The following CACNA2D3 variants were observed in gnomAD, a reference collection of about 807,000 sequenced individuals.
The protein encoded by CACNA2D3 is calcium voltage-gated channel auxiliary subunit alpha2delta 3, also known as voltage-dependent calcium channel subunit alpha-2/delta-3.
In CACNA2D3, 60 loss-of-function variants were observed where a neutral mutation model predicts 160.6. The observed-to-expected ratio is 0.37, with a 90% CI of 0.30 to 0.46. The LOEUF is 0.46. Ranked by LOEUF, CACNA2D3 falls within the 20% of genes least tolerant of loss-of-function variation. The pLI is 1.00. For synonymous variants in CACNA2D3, 558 were observed against 492.9 expected, an observed-to-expected ratio of 1.13 and a Z score of -1.75; for missense variants, 1,205 against 1,365.0, an observed-to-expected ratio of 0.88 and a Z score of 1.85.
At chr3:54,819,434 C>A (rs9846169) in intron 14 of CACNA2D3, among the ~76,000 whole-genome samples, 5 of 152,156 alleles carry the variant, frequency 3.3e-5, no homozygotes, top group African/African-American at 1.2e-4. Flanking sequence ...GCAGTCATAT[C>A]TGAGGGGTGG....
At chr3:54,713,306 C>G (rs146652494) in intron 11 of CACNA2D3, among the ~76,000 whole-genome samples, 2 of 152,146 alleles carry the variant, frequency 1.3e-5, no homozygotes, top group Non-Finnish European at 1.5e-5. Context: ...GGTCTGAGCT[C>G]TCTTTGGAAT....
At chr3:54,146,752 T>C (rs918364988) in intron 2 of CACNA2D3, among the ~76,000 whole-genome samples, 1 of 152,214 alleles carries the variant, frequency 6.6e-6, no homozygotes, top group African/African-American at 2.4e-5. Flanking sequence ...CTGCGGGGTG[T>C]CACCGTTAGG....
At chr3:54,985,383 C>A (rs766796768) in intron 30 of CACNA2D3, among the ~76,000 whole-genome samples, 2 of 152,164 alleles carry the variant, frequency 1.3e-5, no homozygotes, top group African/African-American at 2.4e-5. Flanking sequence ...AAATTTTCTG[C>A]ATTAAAACTT....
intron 4 of CACNA2D3, among the ~76,000 whole-genome samples, chr3:54,436,621 C>T (rs1700064188): frequency 6.6e-6 from 1 of 152,190 alleles, no homozygotes; most frequent in Non-Finnish European, 1.5e-5. Flanking sequence ...GAGTCCATGT[C>T]CTTTGCAGGG....
rs79565808 is a variant in CACNA2D3 at position 54,641,076 on chromosome 3, T to G, written c.1054-1052T>G. 5.0e-3 allele frequency among the ~76,000 whole-genome samples: 760 copies of G among 152,216 alleles called. 3 individuals carry two copies. The highest frequency in any genetic ancestry group is 8.7e-3 in the Non-Finnish European group (589 of 68,010). ...AAAAAAGCCAAGCTCGATGAAGTAT[T>G]TAAAGATATTTATTCTGAGCCAAAT... On this transcript the variant is annotated intron_variant, in intron 10 of 37. Coordinates refer to ENST00000474759, the MANE Select transcript of CACNA2D3 (RefSeq NM_018398.3).
chr3:54,746,735 CTG>C (rs955732685), intron 11 of CACNA2D3, among the ~76,000 whole-genome samples: 1 of 152,084 alleles, frequency 6.6e-6, no homozygotes, highest in Non-Finnish European at 1.5e-5. Flanking sequence ...AAAATATAGA[CTG>C]TTTTTTGAGG....
intron 4 of CACNA2D3, among the ~76,000 whole-genome samples, chr3:54,439,008 G>A (rs928020437): frequency 6.6e-6 from 1 of 152,210 alleles, no homozygotes; most frequent in African/African-American, 2.4e-5. Flanking sequence ...TCGACCAGGT[G>A]TGGATTGATC....
At chr3:54,250,712 G>A (rs1304171584) in intron 2 of CACNA2D3, among the ~76,000 whole-genome samples, 1 of 152,012 alleles carries the variant, frequency 6.6e-6, no homozygotes, top group Non-Finnish European at 1.5e-5. Flanking sequence ...CTTGGCTTAC[G>A]TAAAATAAAT....
chr3:54,464,494 C>G (rs1393460559), intron 4 of CACNA2D3, among the ~76,000 whole-genome samples: 2 of 152,264 alleles, frequency 1.3e-5, no homozygotes, highest in Admixed American at 6.5e-5. Context: ...GCCCCTCCCC[C>G]AGCCTCGCTG....
At chr3:54,668,120 C>T (rs1272129506) in intron 11 of CACNA2D3, among the ~76,000 whole-genome samples, 5 of 152,060 alleles carry the variant, frequency 3.3e-5, no homozygotes, top group Non-Finnish European at 1.5e-5. Context: ...CATCAGTAGG[C>T]CTTGGGATAC....
At chr3:54,133,728 C>T (rs977908173) in intron 2 of CACNA2D3, among the ~76,000 whole-genome samples, 1 of 152,212 alleles carries the variant, frequency 6.6e-6, no homozygotes, top group Non-Finnish European at 1.5e-5. Context: ...CAGCCCTCCC[C>T]TCATGTGGTC....
chr3:54,265,993 A>C (rs1050366692), intron 2 of CACNA2D3, among the ~76,000 whole-genome samples: 1 of 152,202 alleles, frequency 6.6e-6, no homozygotes, highest in Non-Finnish European at 1.5e-5. Flanking sequence ...TAGCTTTCAG[A>C]GGAAGCATTT....
rs148386294 is a variant in CACNA2D3 at position 54,493,889 on chromosome 3, A to C, written c.382-9603A>C. Among the ~76,000 whole-genome samples the C allele has an allele frequency of 6.7e-3, 1,021 of 152,338 alleles. 11 individuals carry two copies. Among genetic ancestry groups the C allele is most frequent in the African/African-American group, 0.024 (977 of 41,574 alleles). On this transcript the variant is annotated intron_variant, in intron 4 of 37. Transcript: ENST00000474759. ...GTGAAGAGCTGCAACAAAGACTCTG[A>C]AGCCCAAAATATTTACTGTCTGACC...
At chr3:54,155,444 A>G (rs1700229226) in intron 2 of CACNA2D3, among the ~76,000 whole-genome samples, 2 of 152,212 alleles carry the variant, frequency 1.3e-5, no homozygotes, top group African/African-American at 4.8e-5. Context: ...TTGGCTCAGA[A>G]GGGACCACAT....
intron 27 of CACNA2D3, among the ~76,000 whole-genome samples, chr3:54,905,574 C>T (rs530494303): frequency 6.6e-6 from 1 of 152,052 alleles, no homozygotes; most frequent in Non-Finnish European, 1.5e-5. Flanking sequence ...TTTATTTTGG[C>T]AAAAATGAAA....
In CACNA2D3 at chr3:54,230,129, G is replaced by GTTTTTT. The variant is rs10663453; in HGVS notation, c.205-90305_205-90300dup. 2.2e-4 allele frequency among the ~76,000 whole-genome samples: 32 copies of GTTTTTT among 143,516 alleles called. No individual in the cohort carries two copies. In the East Asian group the frequency reaches 6.2e-3, roughly 28 times the overall value. The allele number at this position is 143,516 out of a possible 152,430, so 94.2% of individuals were successfully genotyped here. ...CACAGTGCTATTAAGTCATTTAATT[G>GTTTTTT]TTTTTTTTTTTTTCCATTCTGTGTT... On this transcript the variant is annotated intron_variant, in intron 2 of 37. Coordinates refer to ENST00000474759, the MANE Select transcript of CACNA2D3 (RefSeq NM_018398.3).
intron 2 of CACNA2D3, among the ~76,000 whole-genome samples, chr3:54,314,280 C>T (rs1370569792): frequency 1.3e-5 from 2 of 152,134 alleles, no homozygotes; most frequent in Non-Finnish European, 2.9e-5. Context: ...TATATCTATA[C>T]CATAGTTTCT....
In CACNA2D3 at chr3:54,456,109, G is replaced by C. The variant is rs1029308161; in HGVS notation, c.382-47383G>C. ...AGAATGTCATTAGTATTTTGATAGA[G>C]ATTGCATTGAATCTGTAGATTGCTT... is the stretch of plus-strand genomic sequence containing the variant. On this transcript the variant is annotated intron_variant, in intron 4 of 37. Coordinates refer to ENST00000474759, the MANE Select transcript of CACNA2D3 (RefSeq NM_018398.3). 6.6e-5 allele frequency among the ~76,000 whole-genome samples: 10 copies of C among 152,084 alleles called. 1 individual carries two copies. Among genetic ancestry groups the C allele is most frequent in the Admixed American group, 6.6e-4 (10 of 15,232 alleles).
chr3:54,737,085 A>G (rs945113708), intron 11 of CACNA2D3, among the ~76,000 whole-genome samples: 1 of 152,086 alleles, frequency 6.6e-6, no homozygotes, highest in East Asian at 1.9e-4. Flanking sequence ...CAATAACCTT[A>G]TTCATTTTTG....
Sources: allele counts gnomAD v4.1 joint callset (sites outside exome capture counted in the v4.1 genomes callset), GRCh38; gene constraint gnomAD v4.1.1; transcripts MANE v1.5; gene names NCBI Gene and HGNC (gene_info 2026-07-23, HGNC 2026-07-21).